TMEM131L: variants seen among roughly 807,000 people sequenced by gnomAD.
TMEM131L encodes the protein transmembrane protein 131-like.
In TMEM131L, 54 loss-of-function variants were observed where a neutral mutation model predicts 192.2. The ratio of observed to expected loss-of-function variants is 0.28; its 90% CI spans 0.23 to 0.35. The LOEUF is 0.35. TMEM131L is among the 10% of genes least tolerant of loss of function. The pLI is 1.00. For synonymous variants in TMEM131L, 701 were observed against 704.9 expected, an observed-to-expected ratio of 0.99 and a Z score of 0.09; for missense variants, 1,888 against 1,972.9, an observed-to-expected ratio of 0.96 and a Z score of 0.82.
At chr4:153,606,987 C>A (rs534587934) in intron 25 of TMEM131L, among the ~76,000 whole-genome samples, 48 of 152,270 alleles carry the variant, frequency 3.2e-4, no homozygotes, top group Middle Eastern at 3.4e-3. Flanking sequence ...ACAGCACTGT[C>A]CTGGGAAAAT....
intron 3 of TMEM131L, among the ~76,000 whole-genome samples, chr4:153,533,942 G>A (rs949238714): frequency 3.3e-5 from 5 of 152,292 alleles, no homozygotes; most frequent in Middle Eastern, 3.4e-3. Context: ...GTTTTTAAAA[G>A]TATTCTATAC....
chr4:153,578,297 A>G (rs1206727285), intron 7 of TMEM131L, among the ~76,000 whole-genome samples: 2 of 152,178 alleles, frequency 1.3e-5, no homozygotes, highest in Non-Finnish European at 2.9e-5. Flanking sequence ...TTGAGGCTGC[A>G]TTGCGCTATG....
intron 3 of TMEM131L, among the ~76,000 whole-genome samples, chr4:153,547,863 C>G (rs557276991): frequency 5.3e-5 from 8 of 152,220 alleles, no homozygotes; most frequent in Non-Finnish European, 1.0e-4. Flanking sequence ...TACTTAAATC[C>G]TCCAAACCTC....
intron 3 of TMEM131L, among the ~76,000 whole-genome samples, chr4:153,496,963 C>G (rs1733217195): frequency 6.6e-6 from 1 of 151,348 alleles, no homozygotes; most frequent in Admixed American, 6.6e-5. Flanking sequence ...CAGGCTCAAG[C>G]GATCCTCCCA....
intron 26 of TMEM131L, 100 bp downstream of exon 26, chr4:153,612,500 C>T: frequency 1.1e-6 from 1 of 883,688 alleles, no homozygotes; most frequent in Non-Finnish European, 1.7e-6. Flanking sequence ...CATTTGAATC[C>T]ATATTAATAA....
chr4:153,578,858 AT>A (rs34296693), intron 7 of TMEM131L, among the ~76,000 whole-genome samples: 77 of 151,312 alleles, frequency 5.1e-4, no homozygotes, highest in African/African-American at 1.8e-3. Flanking sequence ...GGGTTTCACC[AT>A]TTTGGCCAGG....
chr4:153,619,976 A>C (rs1733273885), intron 26 of TMEM131L, among the ~76,000 whole-genome samples: 1 of 152,108 alleles, frequency 6.6e-6, no homozygotes, highest in Non-Finnish European at 1.5e-5. Context: ...TGTGTGAGCT[A>C]CCACCACCGC....
intron 3 of TMEM131L, among the ~76,000 whole-genome samples, chr4:153,504,612 G>T (rs1024951151): frequency 1.3e-5 from 2 of 152,066 alleles, no homozygotes; most frequent in Admixed American, 1.3e-4. Flanking sequence ...CTAAGCAAGA[G>T]AAATATTATT....
intron 3 of TMEM131L, among the ~76,000 whole-genome samples, chr4:153,525,019 G>A (rs1379465863): frequency 1.3e-5 from 2 of 152,168 alleles, no homozygotes; most frequent in Non-Finnish European, 2.9e-5. Flanking sequence ...TGGATGGCTC[G>A]TGTTTTAGGA....
intron 26 of TMEM131L, among the ~76,000 whole-genome samples, chr4:153,612,661 C>A (rs28567397): frequency 3.7e-4 from 57 of 152,168 alleles, no homozygotes; most frequent in African/African-American, 1.3e-3. Context: ...GTAATGATGG[C>A]AGAGTAGAAC....
chr4:153,621,227 C>T (rs1456282045), intron 27 of TMEM131L, among the ~76,000 whole-genome samples: 2 of 152,162 alleles, frequency 1.3e-5, no homozygotes. Context: ...TAGAGAAAAC[C>T]ACGGGGCACA....
chr4:153,587,809 C>T lies in TMEM131L; in HGVS notation c.1550C>T (p.Ala517Val), dbSNP rs769278753. Reference sequence around the variant, plus strand: ...CATTATTTCATGGGAAAATCAAAAGCAGGTAAGTATTTTGCCCTTAGGCTT... The same window carrying T: ...CATTATTTCATGGGAAAATCAAAAGTAGGTAAGTATTTTGCCCTTAGGCTT... Reference protein sequence around the residue: ...GMHYFMGKSKAGNPNWNGSLS... With the variant: ...GMHYFMGKSKVGNPNWNGSLS... Residue 517 changes from alanine to valine, a missense_variant and splice_region_variant, in exon 15 of 35, where the codon GCA (alanine) becomes GTA (valine). Ala to Val is a moderately conservative substitution (Grantham distance 64). Transcript: ENST00000409959. 6 of 1,611,044 alleles carry T rather than the reference C, an allele frequency of 3.7e-6. No individual in the cohort carries two copies. Among genetic ancestry groups the T allele is most frequent in the Non-Finnish European group, 5.1e-6 (6 of 1,177,378 alleles).
Position 153,621,705 on chromosome 4 carries a change from A to G in TMEM131L, c.3715A>G (p.Lys1239Glu). The G allele has an allele frequency of 6.2e-7, 1 of 1,614,140 alleles. No homozygotes were observed. Among genetic ancestry groups the G allele is most frequent in the South Asian group, 1.1e-5 (1 of 91,080 alleles). The change falls in exon 28 of 35, where the codon AAG (lysine) becomes GAG (glutamate). Residue 1239 changes from lysine to glutamate, a missense_variant. Lys to Glu is a moderately conservative substitution (Grantham distance 56, BLOSUM62 1). Transcript: ENST00000409959. ...CAGGCCTCCTGAACAGAGTGATCTA[A>G]AGCTTGTGTGCAGTGACTTTGAGAG... Reference protein sequence around the residue: ...VSRPPEQSDLKLVCSDFERSE... With the variant: ...VSRPPEQSDLELVCSDFERSE...
chr4:153,550,096 GA>G lies in TMEM131L; in HGVS notation c.267del (p.Gly90AlafsTer9). On this transcript the variant is annotated frameshift_variant, in exon 4 of 35. Coordinates refer to ENST00000409959, the MANE Select transcript of TMEM131L (RefSeq NM_001131007.2). LOFTEE classifies it high-confidence loss of function. ...AGCTTCTCGGACAAACTATTTAGTG[GA>G]AAAGGCTTACATTTTCAGCCATCAG... is the stretch of plus-strand genomic sequence containing the variant. ...EQSFSDKLFS[G>X]KGLHFQPSVL... The G allele has an allele frequency of 2.7e-6, 4 of 1,494,090 alleles. No homozygotes were observed. Among genetic ancestry groups the G allele is most frequent in the African/African-American group, 1.4e-5 (1 of 71,156 alleles). 92.6% of individuals were successfully genotyped at this position (1,494,090 alleles called of 1,614,324 possible).
intron 31 of TMEM131L, among the ~76,000 whole-genome samples, chr4:153,631,792 G>A (rs1019901754): frequency 1.2e-4 from 19 of 152,108 alleles, no homozygotes; most frequent in African/African-American, 3.9e-4. Context: ...CTCCCAATCC[G>A]CTCTCTATAG....
chr4:153,635,626 A>C (rs1029415477), intron 34 of TMEM131L, 55 bp downstream of exon 34: 2 of 1,592,082 alleles, frequency 1.3e-6, no homozygotes, highest in Non-Finnish European at 1.7e-6. Flanking sequence ...AATTGTTTCC[A>C]CTGCTTCCTT....
At chr4:153,572,324 C>A (rs942396946) in intron 7 of TMEM131L, among the ~76,000 whole-genome samples, 1 of 152,006 alleles carries the variant, frequency 6.6e-6, no homozygotes. Flanking sequence ...TTGGTTATTT[C>A]TTTTTTGTTT....
At chr4:153,548,009 A>G (rs894812088) in intron 3 of TMEM131L, among the ~76,000 whole-genome samples, 1 of 144,720 alleles carries the variant, frequency 6.9e-6, no homozygotes, top group Non-Finnish European at 1.5e-5. Flanking sequence ...TTGGTACATG[A>G]AGTTGCCTGT....
At chr4:153,494,904 G>C (rs1025070534) in intron 3 of TMEM131L, among the ~76,000 whole-genome samples, 2 of 152,342 alleles carry the variant, frequency 1.3e-5, no homozygotes, top group Middle Eastern at 3.4e-3. Context: ...GCTCTGCCGG[G>C]TGTTCACCCT....
Sources: allele counts gnomAD v4.1 joint callset (sites outside exome capture counted in the v4.1 genomes callset), GRCh38; gene constraint gnomAD v4.1.1; transcripts MANE v1.5; gene names NCBI Gene and HGNC (gene_info 2026-07-23, HGNC 2026-07-21).